The following P4HA3 variants were observed in gnomAD, a reference collection of about 807,000 sequenced individuals.
P4HA3 encodes the protein prolyl 4-hydroxylase subunit alpha 3.
A neutral mutation model predicts 66.7 loss-of-function variants in P4HA3; 60 were observed. That is an observed-to-expected ratio of 0.90 (90% CI 0.73 to 1.12). P4HA3 has a LOEUF of 1.12. Ranked by LOEUF, P4HA3 falls within the 50% of genes most tolerant of loss-of-function variation. P4HA3 has a pLI of 0.00. For synonymous variants in P4HA3, 263 were observed against 274.6 expected, an observed-to-expected ratio of 0.96 and a Z score of 0.42; for missense variants, 683 against 685.8, an observed-to-expected ratio of 1.00 and a Z score of 0.05.
At chr11:74,283,819 C>G (rs999808975) in intron 7 of P4HA3, among the ~76,000 whole-genome samples, 1 of 152,234 alleles carries the variant, frequency 6.6e-6, no homozygotes, top group Non-Finnish European at 1.5e-5. Context: ...GATTCTTCCT[C>G]CCTTCCCCAT....
intron 7 of P4HA3, among the ~76,000 whole-genome samples, chr11:74,283,681 C>T (rs1468796083): frequency 6.6e-6 from 1 of 152,240 alleles, no homozygotes; most frequent in Admixed American, 6.5e-5. Context: ...ACTTCAGCCA[C>T]CAAGCTTCTG....
chr11:74,260,779 T>G (rs753413322), intron 14 of P4HA3, among the ~76,000 whole-genome samples: 1 of 152,184 alleles, frequency 6.6e-6, no homozygotes, highest in Non-Finnish European at 1.5e-5. Context: ...GGACAAATGT[T>G]AATCTAAGGA....
At chr11:74,254,546 C>A (rs1859785357) in intron 15 of P4HA3, 2 of 153,194 alleles carry the variant, frequency 1.3e-5, no homozygotes. Flanking sequence ...TGAAGCCCAT[C>A]TTTTCTGTGA....
Position 74,308,649 on chromosome 11 carries a change from C to A in P4HA3, c.200+2763G>T, listed in dbSNP as rs117042957. 8.7e-4 allele frequency among the ~76,000 whole-genome samples: 133 copies of A among 152,222 alleles called. 2 individuals carry two copies. Among genetic ancestry groups the A allele is most frequent in the Admixed American group, 6.2e-3 (95 of 15,298 alleles). Reference sequence around the variant, plus strand: ...ACTACAAAATTAACTGTTCATAAGTCACCTGAGAAAATAATTGAGAACTTT... The same window carrying A: ...ACTACAAAATTAACTGTTCATAAGTAACCTGAGAAAATAATTGAGAACTTT... On this transcript the variant is annotated intron_variant, in intron 1 of 12. Coordinates refer to ENST00000331597, the MANE Select transcript of P4HA3 (RefSeq NM_182904.5).
chr11:74,267,061 T>A lies in P4HA3; in HGVS notation c.*187A>T, dbSNP rs1354963644. The A allele has an allele frequency of 2.6e-6, 4 of 1,536,726 alleles. No homozygotes were observed. Among genetic ancestry groups the A allele is most frequent in the South Asian group, 2.4e-5 (2 of 84,028 alleles). ...CTCTGACTTCCGTGGCTGGGGCAGA[T>A]CAAATGTACATTCTCAGTGTCCCCT... On this transcript the variant is annotated 3_prime_UTR_variant, in exon 13 of 13. Transcript: ENST00000331597.
At chr11:74,300,216 A>AG (rs1348825129) in intron 3 of P4HA3, among the ~76,000 whole-genome samples, 2 of 152,214 alleles carry the variant, frequency 1.3e-5, no homozygotes, top group Non-Finnish European at 2.9e-5. Flanking sequence ...GGATTCTCTT[A>AG]GGGGGAAAAT....
intron 1 of P4HA3, among the ~76,000 whole-genome samples, chr11:74,305,341 G>A (rs930646846): frequency 2.0e-5 from 3 of 152,106 alleles, no homozygotes; most frequent in Admixed American, 6.5e-5. Flanking sequence ...GTATTGGCCT[G>A]TTGGGTGCTC....
At chr11:74,282,055 C>T (rs1032770889) in intron 7 of P4HA3, among the ~76,000 whole-genome samples, 9 of 150,686 alleles carry the variant, frequency 6.0e-5, no homozygotes, top group African/African-American at 1.9e-4. Flanking sequence ...GTGTCCTGTC[C>T]TGAGCCATTT....
In P4HA3 at chr11:74,304,272, CG is replaced by C. The variant is rs1320044689; in HGVS notation, c.340del (p.Arg114GlufsTer3). 2 of 1,613,802 alleles carry C rather than the reference CG, an allele frequency of 1.2e-6. No individual in the cohort carries two copies. The highest frequency in any genetic ancestry group is 1.7e-6 in the Non-Finnish European group (2 of 1,179,824). On this transcript the variant is annotated frameshift_variant, in exon 2 of 13. Transcript: ENST00000331597. LOFTEE classifies it high-confidence loss of function. ...VHSLEASENI[R>X]ALKDGYEKVE... Reference sequence around the variant, plus strand: ...CCTCCAGCCCTCCTCCTCATTACCTCGGATGTTCTCACTGGCCTCCAGACTA... The same window carrying C: ...CCTCCAGCCCTCCTCCTCATTACCTCGATGTTCTCACTGGCCTCCAGACTA...
In P4HA3 at chr11:74,286,149, C is replaced by T. The variant is rs974442979; in HGVS notation, c.933+79G>A. 2.6e-6 allele frequency: 4 copies of T among 1,535,162 alleles called. No individual in the cohort carries two copies. The African/African-American group carries it at 5.5e-5, about 21-fold the overall frequency. ...ATTGTTTTTAATGCATCAGCTCTAT[C>T]CCCTCATGTTATCCCAATTCTAGCT... On this transcript the variant is annotated intron_variant, in intron 6 of 12. Coordinates refer to ENST00000331597, the MANE Select transcript of P4HA3 (RefSeq NM_182904.5).
downstream of P4HA3, among the ~76,000 whole-genome samples, chr11:74,262,273 C>T (rs1293252899): frequency 6.6e-6 from 1 of 152,174 alleles, no homozygotes; most frequent in Non-Finnish European, 1.5e-5. Flanking sequence ...CTAATGCAAA[C>T]ATGCCCCTGT....
At chr11:74,282,242 G>A (rs531292265) in intron 7 of P4HA3, among the ~76,000 whole-genome samples, 12 of 151,826 alleles carry the variant, frequency 7.9e-5, no homozygotes, top group East Asian at 1.9e-4. Flanking sequence ...CCAGTCACTC[G>A]TTTTTTGGAA....
downstream of P4HA3, among the ~76,000 whole-genome samples, chr11:74,265,944 G>C (rs1412241819): frequency 6.6e-6 from 1 of 152,230 alleles, no homozygotes; most frequent in Non-Finnish European, 1.5e-5. Flanking sequence ...ATCCTGATAA[G>C]TGTTATGAAG....
chr11:74,305,615 G>C (rs1442331241), intron 1 of P4HA3, among the ~76,000 whole-genome samples: 1 of 152,172 alleles, frequency 6.6e-6, no homozygotes, highest in African/African-American at 2.4e-5. Context: ...CAAAGGCACA[G>C]AGGCTTGAGA....
downstream of P4HA3, among the ~76,000 whole-genome samples, chr11:74,265,787 G>A (rs764656292): frequency 3.9e-5 from 6 of 152,168 alleles, no homozygotes; most frequent in Non-Finnish European, 7.3e-5. Context: ...AGCCTAGTGG[G>A]AGCAGCCTGG....
At chr11:74,259,126 C>T (rs1196759128) in intron 15 of P4HA3, among the ~76,000 whole-genome samples, 2 of 152,164 alleles carry the variant, frequency 1.3e-5, no homozygotes, top group African/African-American at 4.8e-5. Context: ...TGGCTGGGCA[C>T]GGTGGCTCAC....
intron 15 of P4HA3, chr11:74,250,553 C>G (rs1284468685): frequency 6.2e-6 from 1 of 162,286 alleles, no homozygotes; most frequent in Non-Finnish European, 1.3e-5. Flanking sequence ...CTTCCTGGTT[C>G]CCTCTTGGAT....
At position 74,296,937 on chromosome 11, in the gene P4HA3, T is replaced by TC. The variant is rs1384419760; in HGVS notation, c.717+1274_717+1275insG. On this transcript the variant is annotated intron_variant, in intron 4 of 12. Coordinates refer to ENST00000331597, the MANE Select transcript of P4HA3 (RefSeq NM_182904.5). ...ACAGTTTTTTTTTTCTTTTTTTCTTTTTTTTTTTTTTTTGAGATGCAGTTT... is the reference window on the plus strand; with the variant it reads ...ACAGTTTTTTTTTTCTTTTTTTCTTTCTTTTTTTTTTTTTGAGATGCAGTTT... Among the ~76,000 whole-genome samples, 7 of 148,462 alleles carry TC rather than the reference T, an allele frequency of 4.7e-5. 1 individual carries two copies. The highest frequency in any genetic ancestry group is 1.0e-4 in the Non-Finnish European group (7 of 66,824).
At chr11:74,255,679 A>G (rs1321345855) in intron 15 of P4HA3, among the ~76,000 whole-genome samples, 1 of 152,164 alleles carries the variant, frequency 6.6e-6, no homozygotes, top group Admixed American at 6.6e-5. Flanking sequence ...TTACATTGTT[A>G]TAGTTAGGAA....
Sources: gnomAD v4.1 joint callset for allele counts (sites outside exome capture counted in the v4.1 genomes callset) on GRCh38, gnomAD v4.1.1 for gene constraint, MANE v1.5 for transcripts, NCBI Gene and HGNC (gene_info 2026-07-23, HGNC 2026-07-21) for gene names.